Variants in MNAT1 observed in about 807,000 individuals in gnomAD.
MNAT1 encodes MNAT1 component of CDK activating kinase.
A neutral mutation model predicts 42.0 loss-of-function variants in MNAT1; 43 were observed. The ratio of observed to expected loss-of-function variants is 1.02; its 90% CI spans 0.80 to 1.32. MNAT1 has a LOEUF of 1.32. Ranked by LOEUF, MNAT1 falls within the 40% of genes most tolerant of loss-of-function variation. The probability of loss-of-function intolerance (pLI) is 0.00; values close to 1 mark genes in which losing one functional copy is unlikely to be tolerated. For synonymous variants in MNAT1, 118 were observed against 120.0 expected, an observed-to-expected ratio of 0.98 and a Z score of 0.11; for missense variants, 306 against 350.4, an observed-to-expected ratio of 0.87 and a Z score of 1.01.
At chr14:60,774,983 A>C (rs751609805) in intron 1 of MNAT1, among the ~76,000 whole-genome samples, 5 of 152,084 alleles carry the variant, frequency 3.3e-5, no homozygotes, top group Non-Finnish European at 5.9e-5. Context: ...GAGCTGAGGG[A>C]TGAGATCAGG....
intron 1 of MNAT1, among the ~76,000 whole-genome samples, chr14:60,789,410 C>T (rs949681939): frequency 6.6e-6 from 1 of 152,034 alleles, no homozygotes; most frequent in Non-Finnish European, 1.5e-5. Flanking sequence ...GAAACAGAGA[C>T]GTGAAGTAAG....
chr14:60,793,576 T>C (rs1043442491), intron 1 of MNAT1, among the ~76,000 whole-genome samples: 1 of 152,138 alleles, frequency 6.6e-6, no homozygotes, highest in Non-Finnish European at 1.5e-5. Context: ...TCTAGCCATG[T>C]TGTCTAGGCT....
intron 7 of MNAT1, among the ~76,000 whole-genome samples, chr14:60,882,129 C>G (rs2034564010): frequency 6.6e-6 from 1 of 152,192 alleles, no homozygotes; most frequent in Non-Finnish European, 1.5e-5. Flanking sequence ...CCACTGCACT[C>G]TAGCCTGGGT....
chr14:60,920,215 G>A (rs2035626282), intron 7 of MNAT1: 1 of 151,962 alleles, frequency 6.6e-6, no homozygotes, highest in Admixed American at 6.6e-5. Context: ...AATAGAGTTT[G>A]GGGAGATTAA....
chr14:60,851,354 T>A (rs1266332780), intron 6 of MNAT1, among the ~76,000 whole-genome samples: 2 of 152,146 alleles, frequency 1.3e-5, no homozygotes, highest in African/African-American at 4.8e-5. Flanking sequence ...CTGGTTTTCT[T>A]TTGCTTTTCT....
At chr14:60,833,432 A>G (rs1236820255) in intron 6 of MNAT1, among the ~76,000 whole-genome samples, 1 of 152,092 alleles carries the variant, frequency 6.6e-6, no homozygotes, top group Non-Finnish European at 1.5e-5. Context: ...TCTATTGAGA[A>G]AATCATGTGT....
At chr14:60,775,118 G>A (rs4151183) in intron 1 of MNAT1, among the ~76,000 whole-genome samples, 31,250 of 152,044 alleles carry the variant, frequency 0.21, 3,921 homozygotes, top group Middle Eastern at 0.29. Context: ...TTACAGAGGA[G>A]AAGCAGCCAG....
chr14:60,869,855 T>C (rs1049360066), intron 6 of MNAT1, among the ~76,000 whole-genome samples: 10 of 152,300 alleles, frequency 6.6e-5, no homozygotes, highest in African/African-American at 2.2e-4. Flanking sequence ...GTTTGTTGCA[T>C]TCTAAATGTG....
intron 1 of MNAT1, 106 bp from the exon 2 acceptor site, chr14:60,796,111 C>A: frequency 1.1e-6 from 1 of 897,118 alleles, no homozygotes; most frequent in Non-Finnish European, 1.6e-6. Flanking sequence ...ATAGAAGTGA[C>A]TAGTTTTCAA....
chr14:60,878,723 C>A (rs1037060972), intron 6 of MNAT1, among the ~76,000 whole-genome samples: 1 of 152,158 alleles, frequency 6.6e-6, no homozygotes, highest in Non-Finnish European at 1.5e-5. Flanking sequence ...TTTGACTGGA[C>A]TACTTCCACC....
intron 1 of MNAT1, among the ~76,000 whole-genome samples, chr14:60,737,857 T>A (rs889266566): frequency 6.6e-6 from 1 of 151,626 alleles, no homozygotes; most frequent in African/African-American, 2.4e-5. Flanking sequence ...TATCCTTTTT[T>A]TTTTTTTTTG....
chr14:60,827,059 A>C (rs369496650), intron 6 of MNAT1, among the ~76,000 whole-genome samples: 1 of 152,256 alleles, frequency 6.6e-6, no homozygotes, highest in South Asian at 2.1e-4. Flanking sequence ...AACTGAAAAT[A>C]AAATGAGTCA....
intron 7 of MNAT1, among the ~76,000 whole-genome samples, chr14:60,953,347 C>T (rs2036419117): frequency 6.6e-6 from 1 of 151,990 alleles, no homozygotes; most frequent in Non-Finnish European, 1.5e-5. Flanking sequence ...TTCTTCTTAT[C>T]CTTTGAAATC....
intron 7 of MNAT1, among the ~76,000 whole-genome samples, chr14:60,909,491 A>C (rs1471257672): frequency 1.3e-5 from 2 of 152,102 alleles, no homozygotes; most frequent in Non-Finnish European, 2.9e-5. Context: ...ATTTTGAATT[A>C]CTTTTTGTAT....
chr14:60,849,602 C>A (rs889427387), intron 6 of MNAT1, among the ~76,000 whole-genome samples: 4 of 152,120 alleles, frequency 2.6e-5, no homozygotes, highest in African/African-American at 9.7e-5. Flanking sequence ...AGTGAACTTG[C>A]ATGTAAATAT....
intron 1 of MNAT1, among the ~76,000 whole-genome samples, chr14:60,795,512 C>T (rs2031985715): frequency 6.6e-6 from 1 of 152,170 alleles, no homozygotes; most frequent in Non-Finnish European, 1.5e-5. Flanking sequence ...AAAGGGGATG[C>T]AGGTATCTGG....
At chr14:60,846,191 G>T (rs1280321958) in intron 6 of MNAT1, among the ~76,000 whole-genome samples, 3 of 145,540 alleles carry the variant, frequency 2.1e-5, no homozygotes, top group Admixed American at 7.0e-5. Context: ...TTCATTCCTT[G>T]TCTTGATATT....
At chr14:60,856,878 A>T (rs2033972390) in intron 6 of MNAT1, among the ~76,000 whole-genome samples, 1 of 151,788 alleles carries the variant, frequency 6.6e-6, no homozygotes, top group Admixed American at 6.6e-5. Flanking sequence ...ATGGGGTTTC[A>T]CCATATTGGC....
chr14:60,813,635 A>G (rs562805818), intron 5 of MNAT1, among the ~76,000 whole-genome samples: 21 of 152,324 alleles, frequency 1.4e-4, no homozygotes, highest in Non-Finnish European at 2.8e-4. Context: ...TGTGATGGCC[A>G]TCTTTAGTCC....
Sources: allele counts gnomAD v4.1 joint callset (sites outside exome capture counted in the v4.1 genomes callset), GRCh38; gene constraint gnomAD v4.1.1; transcripts MANE v1.5; gene names NCBI Gene and HGNC (gene_info 2026-07-23, HGNC 2026-07-21).